The following ZYG11B variants were observed in gnomAD, a reference collection of about 807,000 sequenced individuals.
ZYG11B encodes the protein protein zyg-11 homolog B.
ZYG11B carries 36 observed loss-of-function variants against 82.4 expected under a neutral mutation model. That is an observed-to-expected ratio of 0.44 (90% CI 0.33 to 0.58). The LOEUF (loss-of-function observed/expected upper bound fraction) is 0.58. ZYG11B is among the 20% of genes least tolerant of loss of function. ZYG11B has a pLI of 0.02. For missense variants in ZYG11B, 552 were observed against 895.6 expected (o/e 0.62, Z 4.90); for synonymous variants, 303 against 312.8 (o/e 0.97, Z 0.33).
intron 10 of ZYG11B, chr1:52,805,320 T>G: frequency 2.9e-6 from 1 of 340,576 alleles, no homozygotes; most frequent in Non-Finnish European, 5.8e-6. Flanking sequence ...AGTGAGGAGA[T>G]GGATTTTTAG....
At chr1:52,752,964 C>T (rs1256706214) in intron 1 of ZYG11B, among the ~76,000 whole-genome samples, 1 of 152,080 alleles carries the variant, frequency 6.6e-6, no homozygotes, top group Non-Finnish European at 1.5e-5. Context: ...TCTCCTGCTT[C>T]AGCCTCCTGA....
At chr1:52,741,315 A>AAAAAAAAAAAAAAAAAAAAAG (rs1553257617) in intron 1 of ZYG11B, among the ~76,000 whole-genome samples, 2 of 142,666 alleles carry the variant, frequency 1.4e-5, no homozygotes, top group East Asian at 2.2e-4. Context: ...AAAAAAAAAA[A>AAAAAAAAAAAAAAAAAAAAAG]AAAAGAAAAG....
Position 52,797,428 on chromosome 1 carries a change from T to TTATATATC in ZYG11B, c.1485+644_1485+645insTATATATC, listed in dbSNP as rs1558137826. On this transcript the variant is annotated intron_variant, in intron 8 of 13. Coordinates refer to ENST00000294353, the MANE Select transcript of ZYG11B (RefSeq NM_024646.3). ...AATATATATCATATATTATACATAT[T>TTATATATC]ATATATAACATATATATTATATATC... 9.5e-3 allele frequency among the ~76,000 whole-genome samples: 492 copies of TTATATATC among 51,598 alleles called. 1 individual carries two copies. Among genetic ancestry groups the TTATATATC allele is most frequent in the African/African-American group, 0.044 (463 of 10,440 alleles). The allele number at this position is 51,598 out of a possible 152,430, so 33.9% of individuals were successfully genotyped here.
At chr1:52,777,536 G>T (rs951114982) in intron 3 of ZYG11B, among the ~76,000 whole-genome samples, 2 of 152,004 alleles carry the variant, frequency 1.3e-5, no homozygotes, top group Non-Finnish European at 2.9e-5. Context: ...CCTCAAATTC[G>T]TGGGCTCAAG....
chr1:52,795,438 A>G (rs1010277289), intron 6 of ZYG11B, among the ~76,000 whole-genome samples: 2 of 152,160 alleles, frequency 1.3e-5, no homozygotes, highest in Admixed American at 6.5e-5. Context: ...AGAATGGACT[A>G]ATAACTAGAC....
intron 2 of ZYG11B, among the ~76,000 whole-genome samples, chr1:52,761,907 T>C (rs1644634918): frequency 6.6e-6 from 1 of 152,196 alleles, no homozygotes; most frequent in Non-Finnish European, 1.5e-5. Flanking sequence ...TGCATTTCCT[T>C]GATGATTAGT....
At chr1:52,803,091 TATATATAC>T (rs1474971862) in intron 10 of ZYG11B, among the ~76,000 whole-genome samples, 1,754 of 14,970 alleles carry the variant, frequency 0.12, 123 homozygotes, top group East Asian at 0.3. Flanking sequence ...TATACACATA[TATATATAC>T]ATATATATAT....
At chr1:52,741,315 A>AG (rs1553257615) in intron 1 of ZYG11B, among the ~76,000 whole-genome samples, 1 of 142,600 alleles carries the variant, frequency 7.0e-6, no homozygotes, top group Non-Finnish European at 1.5e-5. Context: ...AAAAAAAAAA[A>AG]AAAAGAAAAG....
At chr1:52,729,408 A>G (rs1644311415) in intron 1 of ZYG11B, among the ~76,000 whole-genome samples, 1 of 152,232 alleles carries the variant, frequency 6.6e-6, no homozygotes, top group Admixed American at 6.5e-5. Flanking sequence ...GCTTGTTAAA[A>G]CATATACACA....
intron 13 of ZYG11B, among the ~76,000 whole-genome samples, chr1:52,821,133 A>ACTTAC (rs1418658207): frequency 6.6e-6 from 1 of 151,684 alleles, no homozygotes; most frequent in Non-Finnish European, 1.5e-5. Context: ...ATATAACAAC[A>ACTTAC]CTTACCTGTG....
intron 13 of ZYG11B, among the ~76,000 whole-genome samples, chr1:52,821,017 G>C (rs760336813): frequency 2.6e-5 from 4 of 151,574 alleles, no homozygotes; most frequent in Admixed American, 6.6e-5. Flanking sequence ...TTGAACCCAG[G>C]AGGCGGAGGC....
At chr1:52,799,572 G>A (rs1459173652) in intron 8 of ZYG11B, among the ~76,000 whole-genome samples, 2 of 151,130 alleles carry the variant, frequency 1.3e-5, no homozygotes, top group African/African-American at 2.4e-5. Context: ...GGCGGATCAC[G>A]AGGTCAGGAG....
At chr1:52,802,753 A>G (rs1185400115) in intron 10 of ZYG11B, among the ~76,000 whole-genome samples, 1 of 152,052 alleles carries the variant, frequency 6.6e-6, no homozygotes, top group African/African-American at 2.4e-5. Context: ...AAACAATGAC[A>G]TTGGAAAATA....
At chr1:52,810,965 C>T (rs146162360) in intron 10 of ZYG11B, among the ~76,000 whole-genome samples, 30 of 147,158 alleles carry the variant, frequency 2.0e-4, no homozygotes, top group East Asian at 8.0e-4. Context: ...ATCAAGGAGG[C>T]GGAAGTTGCA....
At position 52,803,089 on chromosome 1, in the gene ZYG11B, TATATATATAC is replaced by T. The variant is rs1414228742; in HGVS notation, c.1695+960_1695+969del. Among the ~76,000 whole-genome samples the T allele has an allele frequency of 9.9e-3, 118 of 11,878 alleles. 8 individuals are homozygous for T. In the East Asian group the frequency reaches 0.23, roughly 23 times the overall value. The allele number at this position is 11,878 out of a possible 152,430, so 7.8% of individuals were successfully genotyped here. On this transcript the variant is annotated intron_variant, in intron 10 of 13. Coordinates refer to ENST00000294353, the MANE Select transcript of ZYG11B (RefSeq NM_024646.3). The stretch of plus-strand genomic sequence containing the variant: ...GCCACTATATATATATATATACACA[TATATATATAC>T]ATATATATATATATATATACACACA...
rs1030156169 is a variant in ZYG11B, at chr1:52,816,710, G to A, written c.2044+81G>A. The A allele has an allele frequency of 4.9e-5, 46 of 945,514 alleles. No individual in the cohort carries two copies. In the East Asian group the frequency reaches 9.8e-4, roughly 20 times the overall value. The allele number at this position is 945,514 out of a possible 1,614,324, so 58.6% of individuals were successfully genotyped here. Reference sequence around the variant, plus strand: ...CCCAGGAAAGATATTTCTAAATTGTGTATTAAAGTGATTTTTAAGAACACT... The same window carrying A: ...CCCAGGAAAGATATTTCTAAATTGTATATTAAAGTGATTTTTAAGAACACT... On this transcript the variant is annotated intron_variant, in intron 13 of 13. Transcript: ENST00000294353.
chr1:52,793,903 T>TTCCTACCTTCCTTCCTTCCTTCCTTC (rs1438686036), intron 6 of ZYG11B, among the ~76,000 whole-genome samples: 1 of 92,044 alleles, frequency 1.1e-5, no homozygotes, highest in Non-Finnish European at 2.1e-5. Context: ...TTCCTTCCTT[T>TTCCTACCTTCCTTCCTTCCTTCCTTC]CTTTCCTTTC....
rs1431606521 is a variant in ZYG11B at position 52,813,531 on chromosome 1, T to C, written c.1696-5T>C. 3.8e-6 allele frequency: 6 copies of C among 1,596,090 alleles called. No homozygotes were observed. The highest frequency in any genetic ancestry group is 3.5e-5 in the Admixed American group (2 of 57,868). On this transcript the variant is annotated splice_polypyrimidine_tract_variant and splice_region_variant and intron_variant, in intron 10 of 13. Coordinates refer to ENST00000294353, the MANE Select transcript of ZYG11B (RefSeq NM_024646.3). ...TAATTTTTATATTTTCTTTTTTTTT[T>C]CCAGAACAATATAGCTGAAGTACAA... is the stretch of plus-strand genomic sequence containing the variant.
At chr1:52,779,810 G>A in intron 3 of ZYG11B, 43 bp from the exon 4 acceptor site, 1 of 1,609,362 alleles carries the variant, frequency 6.2e-7, no homozygotes, top group African/African-American at 1.3e-5. Flanking sequence ...ATTAGATAGA[G>A]AAAGAGAGAG....
Sources: allele counts gnomAD v4.1 joint callset (sites outside exome capture counted in the v4.1 genomes callset), GRCh38; gene constraint gnomAD v4.1.1; transcripts MANE v1.5; gene names NCBI Gene and HGNC (gene_info 2026-07-23, HGNC 2026-07-21).